The following MIPEP variants were observed in gnomAD, a reference collection of about 807,000 sequenced individuals.
MIPEP encodes mitochondrial intermediate peptidase.
In MIPEP, 79 loss-of-function variants were observed where a neutral mutation model predicts 90.3. That is an observed-to-expected ratio of 0.87 (90% CI 0.73 to 1.05). The LOEUF (loss-of-function observed/expected upper bound fraction) is 1.05, where lower values mean the gene tolerates loss of function less well. MIPEP is among the 50% of genes least tolerant of loss of function. The pLI is 0.00. For synonymous variants in MIPEP, 334 were observed against 315.8 expected, an observed-to-expected ratio of 1.06 and a Z score of -0.61; for missense variants, 940 against 905.6, an observed-to-expected ratio of 1.04 and a Z score of -0.49.
chr13:23,817,581 A>T (rs1953255317), intron 14 of MIPEP, among the ~76,000 whole-genome samples: 1 of 152,020 alleles, frequency 6.6e-6, no homozygotes, highest in Non-Finnish European at 1.5e-5. Context: ...TTCATGAATA[A>T]TTTTTCCTGT....
At chr13:23,743,075 C>G (rs1041130149) in intron 18 of MIPEP, among the ~76,000 whole-genome samples, 12 of 152,166 alleles carry the variant, frequency 7.9e-5, no homozygotes, top group Non-Finnish European at 1.5e-4. Flanking sequence ...CTAGACATAA[C>G]AATAACTTGG....
chr13:23,738,358 G>T (rs1462184150), intron 18 of MIPEP, among the ~76,000 whole-genome samples: 1 of 151,630 alleles, frequency 6.6e-6, no homozygotes, highest in African/African-American at 2.4e-5. Context: ...TGTAGTTTAT[G>T]TGTGGCCCAA....
chr13:23,879,121 C>T (rs547025946), intron 4 of MIPEP, 147 bp downstream of exon 4: 1 of 648,156 alleles, frequency 1.5e-6, no homozygotes, highest in African/African-American at 1.8e-5. Flanking sequence ...TGAGTGGAGT[C>T]CTAGAGAAAG....
chr13:23,789,496 C>T (rs1222600636), intron 16 of MIPEP, among the ~76,000 whole-genome samples: 7 of 152,314 alleles, frequency 4.6e-5, no homozygotes, highest in Admixed American at 2.6e-4. Flanking sequence ...CTGCCCGGAA[C>T]ACCTTAGGTA....
intron 13 of MIPEP, 147 bp downstream of exon 13, chr13:23,837,405 G>A: frequency 1.7e-6 from 1 of 596,610 alleles, no homozygotes; most frequent in Admixed American, 2.6e-5. Context: ...ACAACCATGG[G>A]GAGGGCAGGA....
rs749865676 is a variant in MIPEP, at chr13:23,809,856, T to A, written c.1722A>T (p.Gln574His). The change falls in exon 15 of 19, where the codon CAA (glutamine) becomes CAT (histidine). Residue 574 changes from glutamine (Q) to histidine (H), a missense_variant. Coordinates refer to ENST00000382172, the MANE Select transcript of MIPEP (RefSeq NM_005932.4). ...SKKVCAAADMQLQVFYATLDQ... is the reference protein window; with the variant it reads ...SKKVCAAADMHLQVFYATLDQ... ...AACAAAGGTACATACATACCTGAAG[T>A]TGCATATCAGCTGCAGCACAAACCT... is the stretch of plus-strand genomic sequence containing the variant. 6.2e-7 allele frequency: 1 copy of A among 1,611,162 alleles called. No individual in the cohort carries two copies. Among genetic ancestry groups the A allele is most frequent in the South Asian group, 1.1e-5 (1 of 90,896 alleles).
At chr13:23,846,707 G>A (rs1869557354) in intron 10 of MIPEP, among the ~76,000 whole-genome samples, 1 of 152,072 alleles carries the variant, frequency 6.6e-6, no homozygotes, top group African/African-American at 2.4e-5. Flanking sequence ...GTGTCATGTT[G>A]GCACTCAAAA....
At chr13:23,806,722 ATCTATC>A (rs1953113422) in intron 15 of MIPEP, among the ~76,000 whole-genome samples, 1 of 141,008 alleles carries the variant, frequency 7.1e-6, no homozygotes, top group Non-Finnish European at 1.5e-5. Context: ...ATCTATATCT[ATCTATC>A]TATCTATCTA....
chr13:23,781,177 G>T (rs187874830), intron 16 of MIPEP, among the ~76,000 whole-genome samples: 4 of 152,082 alleles, frequency 2.6e-5, no homozygotes, highest in Admixed American at 6.6e-5. Flanking sequence ...TTGAAATGAC[G>T]GAAAAAATGT....
intron 10 of MIPEP, 54 bp from the exon 11 acceptor site, chr13:23,841,542 G>A: frequency 6.6e-7 from 1 of 1,506,136 alleles, no homozygotes; most frequent in South Asian, 1.3e-5. Context: ...AATTTCTGAA[G>A]GTAAATTCAA....
chr13:23,887,649 G>C (rs1301687145), intron 1 of MIPEP, among the ~76,000 whole-genome samples: 1 of 152,052 alleles, frequency 6.6e-6, no homozygotes, highest in African/African-American at 2.4e-5. Flanking sequence ...TAACACATGG[G>C]GGAACTCAAT....
chr13:23,749,156 C>A (rs1952414045), intron 18 of MIPEP, among the ~76,000 whole-genome samples: 1 of 152,104 alleles, frequency 6.6e-6, no homozygotes, highest in East Asian at 1.9e-4. Flanking sequence ...CTGTGTATAC[C>A]TTTTGACAAC....
intron 18 of MIPEP, among the ~76,000 whole-genome samples, chr13:23,735,439 G>A (rs1952251983): frequency 6.6e-6 from 1 of 152,166 alleles, no homozygotes; most frequent in South Asian, 2.1e-4. Flanking sequence ...GGAATTCTCA[G>A]AAGAGAAAGC....
At chr13:23,795,183 G>A (rs1300740094) in intron 16 of MIPEP, among the ~76,000 whole-genome samples, 1 of 151,380 alleles carries the variant, frequency 6.6e-6, no homozygotes, top group Non-Finnish European at 1.5e-5. Flanking sequence ...CATAAGAATA[G>A]GAGGAAACTT....
intron 16 of MIPEP, among the ~76,000 whole-genome samples, chr13:23,760,816 ATTC>A (rs539731296): frequency 1.3e-5 from 2 of 152,254 alleles, no homozygotes; most frequent in African/African-American, 4.8e-5. Context: ...ATATATGGCT[ATTC>A]TTCTTCATTA....
chr13:23,864,504 A>G (rs4770509), intron 7 of MIPEP, among the ~76,000 whole-genome samples: 142,919 of 152,102 alleles, frequency 0.94, 67,177 homozygotes, highest in East Asian at 1. Flanking sequence ...GGCTGAGGGC[A>G]GGGGGTGGAT....
chr13:23,760,330 A>T, intron 16 of MIPEP, 113 bp from the exon 17 acceptor site: 1 of 1,390,144 alleles, frequency 7.2e-7, no homozygotes, highest in Non-Finnish European at 1.0e-6. Flanking sequence ...TTTCATTTGC[A>T]TTTTACCCTA....
At chr13:23,857,600 T>TA (rs1034808530) in intron 10 of MIPEP, among the ~76,000 whole-genome samples, 2 of 152,006 alleles carry the variant, frequency 1.3e-5, no homozygotes, top group Admixed American at 1.3e-4. Context: ...AAAATAAAAA[T>TA]AAAAAATAGT....
At chr13:23,796,505 G>A (rs1054029275) in intron 16 of MIPEP, among the ~76,000 whole-genome samples, 2 of 151,780 alleles carry the variant, frequency 1.3e-5, no homozygotes, top group Admixed American at 6.6e-5. Flanking sequence ...ATATATTAAA[G>A]CATTAACACC....
Sources: allele counts gnomAD v4.1 joint callset (sites outside exome capture counted in the v4.1 genomes callset), GRCh38; gene constraint gnomAD v4.1.1; transcripts MANE v1.5; gene names NCBI Gene and HGNC (gene_info 2026-07-23, HGNC 2026-07-21).